The following ATP9A variants were observed in gnomAD, a reference collection of about 807,000 sequenced individuals.
The protein encoded by ATP9A is ATPase phospholipid transporting 9A.
ATP9A carries 52 observed loss-of-function variants against 144.1 expected under a neutral mutation model. The ratio of observed to expected loss-of-function variants is 0.36; its 90% CI spans 0.29 to 0.45. The LOEUF is 0.45. Ranked by LOEUF, ATP9A falls within the 20% of genes least tolerant of loss-of-function variation. The pLI, the probability that ATP9A is intolerant of heterozygous loss-of-function variation, is 1.00. For missense variants in ATP9A, 947 were observed against 1,392.7 expected, an observed-to-expected ratio of 0.68 and a Z score of 5.09; for synonymous variants, 582 against 557.4, an observed-to-expected ratio of 1.04 and a Z score of -0.62.
chr20:51,639,300 T>TG (rs758376413), intron 15 of ATP9A, 43 bp downstream of exon 15: 1 of 1,572,520 alleles, frequency 6.4e-7, no homozygotes, highest in East Asian at 2.3e-5. Context: ...GCAGCACACC[T>TG]GGGGTACTTA....
rs2077453319 is a variant in ATP9A, at chr20:51,670,988, T to C, written c.1180+127A>G. On this transcript the variant is annotated intron_variant, in intron 12 of 27. Transcript: ENST00000338821. ...TCACCAAAGAATCTTCATCAAAAGATGAAGGGAATAAAATAGCAGCAACAC... is the reference window on the plus strand; with the variant it reads ...TCACCAAAGAATCTTCATCAAAAGACGAAGGGAATAAAATAGCAGCAACAC... 3.8e-6 allele frequency: 4 copies of C among 1,047,620 alleles called. No homozygotes were observed. The South Asian group carries it at 4.8e-5, about 13-fold the overall frequency. The allele number at this position is 1,047,620 out of a possible 1,614,324, so 64.9% of individuals were successfully genotyped here. A position where few individuals can be genotyped will look rare whatever the true frequency, so the allele number is the denominator to read the frequency against.
At chr20:51,669,105 G>C (rs1440531425) in intron 13 of ATP9A, among the ~76,000 whole-genome samples, 1 of 152,120 alleles carries the variant, frequency 6.6e-6, no homozygotes, top group Non-Finnish European at 1.5e-5. Context: ...ACGCGGTCTG[G>C]CTCAGCCTTG....
intron 18 of ATP9A, among the ~76,000 whole-genome samples, chr20:51,623,589 T>C (rs2122726698): frequency 6.6e-6 from 1 of 152,228 alleles, no homozygotes; most frequent in East Asian, 1.9e-4. Flanking sequence ...GAGACCAGCC[T>C]GACCAACATG....
At position 51,671,627 on chromosome 20, in the gene ATP9A, G is replaced by A. The variant is rs117550163; in HGVS notation, c.1038-370C>T. 8.5e-3 allele frequency among the ~76,000 whole-genome samples: 1,289 copies of A among 151,972 alleles called. 18 individuals are homozygous for A. The highest frequency in any genetic ancestry group is 0.031 in the Middle Eastern group (9 of 294). On this transcript the variant is annotated intron_variant, in intron 11 of 27. Coordinates refer to ENST00000338821, the MANE Select transcript of ATP9A (RefSeq NM_006045.3). ...ATAACAGGAAATTGACCATTCTATA[G>A]TACTGAGCACATTTACAATGTTATC...
chr20:51,601,602 CAGG>C (rs2077143468), intron 27 of ATP9A, among the ~76,000 whole-genome samples: 1 of 152,190 alleles, frequency 6.6e-6, no homozygotes, highest in Non-Finnish European at 1.5e-5. Context: ...TTTTAACACC[CAGG>C]AGAAGAAAAC....
intron 4 of ATP9A, among the ~76,000 whole-genome samples, chr20:51,710,795 G>A (rs1374326541): frequency 2.6e-5 from 4 of 152,184 alleles, no homozygotes; most frequent in Non-Finnish European, 5.9e-5. Flanking sequence ...TGAAGTTGAA[G>A]CAAGAGCTGG....
chr20:51,732,028 G>A (rs1015851863), intron 1 of ATP9A, among the ~76,000 whole-genome samples: 9 of 152,030 alleles, frequency 5.9e-5, no homozygotes, highest in South Asian at 2.1e-4. Context: ...TCGGCAGAAC[G>A]ACCCCAAGGG....
intron 14 of ATP9A, among the ~76,000 whole-genome samples, chr20:51,650,486 A>T (rs1007206503): frequency 6.6e-6 from 1 of 151,066 alleles, no homozygotes; most frequent in Non-Finnish European, 1.5e-5. Flanking sequence ...GTGAGCCGAG[A>T]TGGTGCCACT....
At chr20:51,754,947 TA>T (rs555019652) in intron 1 of ATP9A, among the ~76,000 whole-genome samples, 341 of 137,848 alleles carry the variant, frequency 2.5e-3, no homozygotes, top group Middle Eastern at 7.5e-3. Flanking sequence ...CCATCCCTAC[TA>T]AAAAAAAAAA....
intron 22 of ATP9A, among the ~76,000 whole-genome samples, chr20:51,616,940 C>CTTTTT (rs556430829): frequency 7.6e-6 from 1 of 131,074 alleles, no homozygotes; most frequent in African/African-American, 2.9e-5. Context: ...TATAGAGAAA[C>CTTTTT]TTTTTTTTTT....
chr20:51,646,072 A>G (rs2077341195), intron 14 of ATP9A, among the ~76,000 whole-genome samples: 1 of 152,210 alleles, frequency 6.6e-6, no homozygotes, highest in Non-Finnish European at 1.5e-5. Flanking sequence ...ATCCTGTCTC[A>G]GGAGTCTGTT....
At position 51,650,985 on chromosome 20, in the gene ATP9A, T is replaced by A. The variant is rs575621954; in HGVS notation, c.1506+5953A>T. 1.8e-3 allele frequency among the ~76,000 whole-genome samples: 275 copies of A among 151,530 alleles called. 4 individuals carry two copies. Among genetic ancestry groups the A allele is most frequent in the Admixed American group, 0.016 (248 of 15,124 alleles). ...GAAAGTCATATGACTTTCTTTTTTTTAAATTTTTTTTTTGAGACAGTCTCG... is the reference window on the plus strand; with the variant it reads ...GAAAGTCATATGACTTTCTTTTTTTAAAATTTTTTTTTTGAGACAGTCTCG... On this transcript the variant is annotated intron_variant, in intron 14 of 27. Coordinates refer to ENST00000338821, the MANE Select transcript of ATP9A (RefSeq NM_006045.3).
Position 51,713,042 on chromosome 20 carries a change from C to G in ATP9A, c.360G>C (p.Glu120Asp). The G allele has an allele frequency of 6.2e-7, 1 of 1,612,944 alleles. No individual in the cohort carries two copies. The highest frequency in any genetic ancestry group is 8.5e-7 in the Non-Finnish European group (1 of 1,179,564). Reference sequence around the variant, plus strand: ...CGTAGCATCGGATCTCCTCCACCGCCTCACGGATGACAGTGACGGCCAGCA... The same window carrying G: ...CGTAGCATCGGATCTCCTCCACCGCGTCACGGATGACAGTGACGGCCAGCA... The part of the protein sequence containing the change: ...GFVLAVTVIR[E>D]AVEEIRCYVR... The change falls in exon 4 of 28, where the codon GAG (glutamate) becomes GAC (aspartate). Residue 120 changes from glutamate (E) to aspartate (D), a missense_variant. Physicochemically the swap from Glu to Asp is conservative, Grantham distance 45. Around this residue, in one of 2 missense-constraint regions of ATP9A, gnomAD observed 770 missense variants for 1,047.9 expected, o/e 0.73. Coordinates refer to ENST00000338821, the MANE Select transcript of ATP9A (RefSeq NM_006045.3).
At chr20:51,762,308 G>A (rs555538789) in intron 1 of ATP9A, among the ~76,000 whole-genome samples, 1 of 152,084 alleles carries the variant, frequency 6.6e-6, no homozygotes, top group African/African-American at 2.4e-5. Flanking sequence ...AGACCATCTC[G>A]GTCAACACGG....
intron 13 of ATP9A, among the ~76,000 whole-genome samples, chr20:51,666,462 C>T (rs1328743716): frequency 6.6e-6 from 1 of 152,068 alleles, no homozygotes; most frequent in Non-Finnish European, 1.5e-5. Context: ...GGACAGATCA[C>T]CTGAGGTCAG....
chr20:51,722,469 C>A (rs745769587), intron 3 of ATP9A, among the ~76,000 whole-genome samples: 3 of 152,088 alleles, frequency 2.0e-5, no homozygotes, highest in African/African-American at 7.2e-5. Flanking sequence ...CATCCAGAAT[C>A]TACAAAGAAC....
intron 1 of ATP9A, among the ~76,000 whole-genome samples, chr20:51,758,761 C>T (rs1459166291): frequency 1.3e-5 from 2 of 152,088 alleles, no homozygotes; most frequent in East Asian, 3.9e-4. Context: ...CCCGTCTCTA[C>T]TAAAAATACA....
At chr20:51,643,568 G>A (rs187689970) in intron 14 of ATP9A, among the ~76,000 whole-genome samples, 148 of 152,228 alleles carry the variant, frequency 9.7e-4, no homozygotes, top group African/African-American at 3.5e-3. Flanking sequence ...GAGAGACAGA[G>A]TGAAAAGAGG....
At chr20:51,717,655 AT>A (rs1490543593) in intron 3 of ATP9A, among the ~76,000 whole-genome samples, 1 of 152,030 alleles carries the variant, frequency 6.6e-6, no homozygotes, top group African/African-American at 2.4e-5. Context: ...GTGGAAATAA[AT>A]TTTTAAAAAG....
Sources: allele counts gnomAD v4.1 joint callset (sites outside exome capture counted in the v4.1 genomes callset), GRCh38; gene constraint gnomAD v4.1.1; regional missense constraint gnomAD v4.1.1; transcripts MANE v1.5; gene names NCBI Gene and HGNC (gene_info 2026-07-23, HGNC 2026-07-21).